The following EFR3B variants were observed in gnomAD, a reference collection of about 807,000 sequenced individuals.
The protein encoded by EFR3B is EFR3 homolog B.
Under a neutral mutation model 104.7 loss-of-function variants are expected in EFR3B, and 64 were observed. The ratio of observed to expected loss-of-function variants is 0.61; its 90% CI spans 0.50 to 0.75. EFR3B has a LOEUF of 0.75. Among genes scored for constraint, EFR3B ranks in the 30% least tolerant of loss-of-function variants. The pLI is 0.00. For missense variants in EFR3B, 750 were observed against 1,078.5 expected, an observed-to-expected ratio of 0.70 and a Z score of 4.27; for synonymous variants, 385 against 417.9, an observed-to-expected ratio of 0.92 and a Z score of 0.96.
chr2:25,064,983 C>T (rs1003066487), intron 1 of EFR3B, among the ~76,000 whole-genome samples: 1 of 152,126 alleles, frequency 6.6e-6, no homozygotes, highest in Non-Finnish European at 1.5e-5. Flanking sequence ...TCAGGACCAC[C>T]TTGGCAGTTC....
chr2:25,130,455 G>T lies in EFR3B; in HGVS notation c.771-97G>T, dbSNP rs1215552479. 1.5e-5 allele frequency: 16 copies of T among 1,094,394 alleles called. No individual in the cohort carries two copies. The African/African-American group carries it at 1.9e-4, about 13-fold the overall frequency. 67.8% of individuals were successfully genotyped at this position (1,094,394 alleles called of 1,614,324 possible). A position where few individuals can be genotyped will look rare whatever the true frequency, so the allele number is the denominator to read the frequency against. ...TTCCTCACCCGGGAACTGTGCGAGG[G>T]GCTCTGAGAAGGTGTCCCTCTGCCT... On this transcript the variant is annotated intron_variant, in intron 7 of 22. Coordinates refer to ENST00000403714, the MANE Select transcript of EFR3B (RefSeq NM_014971.2). The surrounding 1 kb of genome is among the most constrained non-coding windows in gnomAD (Gnocchi z 4.6).
At chr2:25,142,195 C>A (rs1374242170) in intron 17 of EFR3B, among the ~76,000 whole-genome samples, 2 of 152,144 alleles carry the variant, frequency 1.3e-5, no homozygotes, top group African/African-American at 4.8e-5. Context: ...GTAATCCCAG[C>A]ACTTTGGGAG....
At chr2:25,052,959 A>G (rs1333930374) in intron 1 of EFR3B, among the ~76,000 whole-genome samples, 1 of 152,154 alleles carries the variant, frequency 6.6e-6, no homozygotes, top group Non-Finnish European at 1.5e-5. Context: ...AAGTTTAATA[A>G]CTTCTCCATG....
At position 25,130,655 on chromosome 2, in the gene EFR3B, C is replaced by A; in HGVS notation, c.849+25C>A. ...GGTATGGTGGCTCCCCTGGGCCAGC[C>A]GGATCCCAGGACAAAGGCCTCTCTA... On this transcript the variant is annotated intron_variant, in intron 8 of 22. Transcript: ENST00000403714. The surrounding 1 kb of genome is among the most constrained non-coding windows in gnomAD (Gnocchi z 4.6). 3.2e-6 allele frequency: 5 copies of A among 1,541,220 alleles called. No homozygotes were observed. The highest frequency in any genetic ancestry group is 4.4e-6 in the Non-Finnish European group (5 of 1,137,656).
At chr2:25,055,236 TG>T (rs554975176) in intron 1 of EFR3B, among the ~76,000 whole-genome samples, 94 of 152,380 alleles carry the variant, frequency 6.2e-4, no homozygotes, top group African/African-American at 2.2e-3. Context: ...TTGTGCCTGA[TG>T]GCAATTGCAC....
chr2:25,126,687 G>A (rs1296891115), intron 5 of EFR3B, among the ~76,000 whole-genome samples: 1 of 151,552 alleles, frequency 6.6e-6, no homozygotes, highest in Non-Finnish European at 1.5e-5. Context: ...GTAGAGATGA[G>A]ATTTTGCCAT....
intron 1 of EFR3B, among the ~76,000 whole-genome samples, chr2:25,049,227 CT>C (rs1667801611): frequency 6.6e-6 from 1 of 152,218 alleles, no homozygotes; most frequent in Non-Finnish European, 1.5e-5. Flanking sequence ...ATCACTTTAA[CT>C]TACATTCTTT....
intron 3 of EFR3B, 102 bp from the exon 4 acceptor site, chr2:25,103,535 A>G: frequency 2.1e-6 from 3 of 1,438,918 alleles, no homozygotes; most frequent in Non-Finnish European, 1.9e-6. Context: ...CATTACCCGG[A>G]TGCTGCATTG....
intron 1 of EFR3B, among the ~76,000 whole-genome samples, chr2:25,082,618 T>C (rs1339071913): frequency 6.6e-6 from 1 of 152,228 alleles, no homozygotes; most frequent in Admixed American, 6.5e-5. Context: ...TTGAAATTCA[T>C]GATTGCTTTT....
rs1671185627 is a variant in EFR3B at position 25,156,953 on chromosome 2, C to G, written c.*2613C>G. 1 of 152,198 alleles carries G rather than the reference C, an allele frequency of 6.6e-6. No individual in the cohort carries two copies. The highest frequency in any genetic ancestry group is 6.5e-5 in the Admixed American group (1 of 15,290). 9.4% of individuals were successfully genotyped at this position (152,198 alleles called of 1,614,324 possible). On this transcript the variant is annotated 3_prime_UTR_variant, in exon 23 of 23. Transcript: ENST00000403714. ...TAGGGTTCCCCGTGGCAGCTTCATC[C>G]TGAGCACTGCCTGTGAGCCCTGGTT...
chr2:25,063,249 A>G (rs1238606042), intron 1 of EFR3B, among the ~76,000 whole-genome samples: 4 of 151,974 alleles, frequency 2.6e-5, no homozygotes, highest in Admixed American at 6.6e-5. Flanking sequence ...CGAAGGATTG[A>G]TTTTTCCATT....
chr2:25,108,333 A>G (rs564485433), intron 4 of EFR3B, among the ~76,000 whole-genome samples: 83 of 152,292 alleles, frequency 5.5e-4, no homozygotes, highest in African/African-American at 1.9e-3. Context: ...TGTCTTGAGG[A>G]CAGTGTCAAT....
chr2:25,123,673 G>A (rs1251544017), intron 5 of EFR3B, among the ~76,000 whole-genome samples: 1 of 152,266 alleles, frequency 6.6e-6, no homozygotes, highest in Non-Finnish European at 1.5e-5. Flanking sequence ...CCAGAAGCAG[G>A]TGTTAGGGGA....
chr2:25,044,575 G>A (rs1218396254), intron 1 of EFR3B, among the ~76,000 whole-genome samples: 4 of 152,210 alleles, frequency 2.6e-5, no homozygotes, highest in Admixed American at 6.5e-5. Flanking sequence ...CTGGCACTGC[G>A]CTTCTCCCCC....
intron 1 of EFR3B, among the ~76,000 whole-genome samples, chr2:25,054,228 T>C (rs963989157): frequency 4.6e-5 from 7 of 152,148 alleles, no homozygotes; most frequent in Non-Finnish European, 8.8e-5. Context: ...CATGAGGATG[T>C]ATGAGGGGGG....
At chr2:25,092,866 A>C in intron 2 of EFR3B, 137 bp from the exon 3 acceptor site, 3 of 1,118,780 alleles carry the variant, frequency 2.7e-6, no homozygotes, top group Non-Finnish European at 3.7e-6. Flanking sequence ...CCTGTCTCTG[A>C]AACCCACATG....
chr2:25,092,887 C>A, intron 2 of EFR3B, 116 bp from the exon 3 acceptor site: 1 of 1,310,586 alleles, frequency 7.6e-7, no homozygotes, highest in Non-Finnish European at 1.0e-6. Context: ...TGCTCCGGCA[C>A]ATCCATAAAG....
At chr2:25,085,518 G>T (rs1433866556) in intron 1 of EFR3B, among the ~76,000 whole-genome samples, 1 of 152,220 alleles carries the variant, frequency 6.6e-6, no homozygotes, top group Admixed American at 6.5e-5. Flanking sequence ...AGGCTGGAGT[G>T]TGGTGGCACA....
At chr2:25,141,290 A>G in intron 16 of EFR3B, 76 bp from the exon 17 acceptor site, 1 of 1,471,812 alleles carries the variant, frequency 6.8e-7, no homozygotes, top group Non-Finnish European at 9.2e-7. Context: ...CGAGCCGGGC[A>G]TGGGAGCTCT....
Sources: allele counts gnomAD v4.1 joint callset (sites outside exome capture counted in the v4.1 genomes callset), GRCh38; gene constraint gnomAD v4.1.1; non-coding constraint Gnocchi (gnomAD v3.1); transcripts MANE v1.5; gene names NCBI Gene and HGNC (gene_info 2026-07-23, HGNC 2026-07-21).